Variants in VTI1A observed in about 807,000 individuals in gnomAD.
VTI1A encodes the protein vesicle transport through interaction with t-SNAREs 1A.
Under a neutral mutation model 34.9 loss-of-function variants are expected in VTI1A, and 22 were observed. The observed-to-expected ratio is 0.63, with a 90% CI of 0.45 to 0.90. The LOEUF is 0.90. Among genes scored for constraint, VTI1A ranks in the 40% least tolerant of loss-of-function variants. VTI1A has a pLI of 0.00. For missense variants in VTI1A, 268 were observed against 275.6 expected (o/e 0.97, Z 0.20); for synonymous variants, 87 against 97.3 (o/e 0.89, Z 0.62).
At chr10:112,455,037 GA>G (rs1258679729) in intron 1 of VTI1A, among the ~76,000 whole-genome samples, 1 of 151,928 alleles carries the variant, frequency 6.6e-6, no homozygotes, top group Non-Finnish European at 1.5e-5. Flanking sequence ...TTTGAAAGGG[GA>G]TGTCATTTGG....
chr10:112,543,716 G>A (rs1396588039), intron 5 of VTI1A, among the ~76,000 whole-genome samples: 1 of 152,104 alleles, frequency 6.6e-6, no homozygotes, highest in Non-Finnish European at 1.5e-5. Context: ...GGCTTTTGTT[G>A]CCATTGCTTT....
At chr10:112,780,645 G>T (rs1852097013) in intron 7 of VTI1A, among the ~76,000 whole-genome samples, 2 of 152,060 alleles carry the variant, frequency 1.3e-5, no homozygotes, top group African/African-American at 4.8e-5. Context: ...ACCTTATCGA[G>T]TATGCATTGT....
intron 5 of VTI1A, among the ~76,000 whole-genome samples, chr10:112,602,474 C>G (rs967960972): frequency 6.6e-6 from 1 of 152,204 alleles, no homozygotes; most frequent in Non-Finnish European, 1.5e-5. Context: ...AGCTTTCTTT[C>G]AGACTGATCC....
intron 3 of VTI1A, 21 bp downstream of exon 3, chr10:112,464,678 T>G: frequency 6.3e-7 from 1 of 1,598,150 alleles, no homozygotes; most frequent in Non-Finnish European, 8.5e-7. Flanking sequence ...TTCGACCCTT[T>G]GTCATATTTA....
intron 7 of VTI1A, among the ~76,000 whole-genome samples, chr10:112,713,964 C>T (rs373890269): frequency 3.9e-5 from 6 of 152,232 alleles, no homozygotes; most frequent in South Asian, 2.1e-4. Flanking sequence ...CGGTGCTCCC[C>T]GTGTATTTTG....
intron 3 of VTI1A, among the ~76,000 whole-genome samples, chr10:112,519,119 C>T (rs968186769): frequency 6.6e-6 from 1 of 152,158 alleles, no homozygotes; most frequent in East Asian, 1.9e-4. Flanking sequence ...GAAACTGTCG[C>T]AACATGGGTC....
the VTI1A span, among the ~76,000 whole-genome samples, chr10:112,848,835 G>A: frequency 3.9e-5 from 6 of 152,152 alleles, no homozygotes; most frequent in Non-Finnish European, 1.5e-5. Flanking sequence ...AGGCCCCCAG[G>A]AGGAGGTGAC....
intron 3 of VTI1A, among the ~76,000 whole-genome samples, chr10:112,466,352 T>C (rs1847893019): frequency 6.6e-6 from 1 of 152,212 alleles, no homozygotes; most frequent in Admixed American, 6.5e-5. Flanking sequence ...GAATGGCTAC[T>C]ATCTTGATAA....
intron 5 of VTI1A, among the ~76,000 whole-genome samples, chr10:112,577,673 T>C (rs1050259832): frequency 1.1e-4 from 16 of 152,222 alleles, no homozygotes; most frequent in African/African-American, 3.9e-4. Flanking sequence ...CAGGGTGATA[T>C]GATGAGGCCT....
At chr10:112,845,535 G>T in the VTI1A span, among the ~76,000 whole-genome samples, 1 of 152,166 alleles carries the variant, frequency 6.6e-6, no homozygotes, top group Non-Finnish European at 1.5e-5. Context: ...CCCTCTCCCC[G>T]GGAGGAAAAG....
chr10:112,801,555 T>G (rs907016606), intron 7 of VTI1A, among the ~76,000 whole-genome samples: 1 of 152,184 alleles, frequency 6.6e-6, no homozygotes, highest in African/African-American at 2.4e-5. Context: ...TCCATCTGAT[T>G]TTCTTTCTGT....
At chr10:112,738,907 A>C (rs1481282530) in intron 7 of VTI1A, among the ~76,000 whole-genome samples, 2 of 152,210 alleles carry the variant, frequency 1.3e-5, no homozygotes, top group Non-Finnish European at 2.9e-5. Context: ...GCAGTGACCT[A>C]GCCGCATGAT....
chr10:112,574,321 C>T (rs1394472130), intron 5 of VTI1A, among the ~76,000 whole-genome samples: 1 of 152,152 alleles, frequency 6.6e-6, no homozygotes, highest in African/African-American at 2.4e-5. Flanking sequence ...AGTGATTGTC[C>T]TTTAATGCAA....
intron 7 of VTI1A, among the ~76,000 whole-genome samples, chr10:112,782,037 T>G (rs76807098): frequency 0.02 from 3,082 of 152,328 alleles, 114 homozygotes; most frequent in African/African-American, 0.071. Flanking sequence ...TCCCCTCTTC[T>G]AGATGCTCAT....
At chr10:112,755,430 T>C (rs1387641109) in intron 7 of VTI1A, among the ~76,000 whole-genome samples, 1 of 152,198 alleles carries the variant, frequency 6.6e-6, no homozygotes, top group African/African-American at 2.4e-5. Flanking sequence ...ACTTGATTCC[T>C]GGTGGAGAGT....
intron 2 of VTI1A, among the ~76,000 whole-genome samples, chr10:112,461,254 G>T (rs1035157615): frequency 3.3e-5 from 5 of 152,204 alleles, no homozygotes; most frequent in Non-Finnish European, 5.9e-5. Flanking sequence ...CTTTCTAGCA[G>T]CCTATAAGCA....
At chr10:112,625,178 G>A (rs1477285374) in intron 5 of VTI1A, among the ~76,000 whole-genome samples, 7 of 152,176 alleles carry the variant, frequency 4.6e-5, no homozygotes, top group Admixed American at 2.6e-4. Context: ...TTGTGGCTAC[G>A]CCTATGTTTG....
At chr10:112,550,655 A>G (rs1326780636) in intron 5 of VTI1A, among the ~76,000 whole-genome samples, 1 of 152,178 alleles carries the variant, frequency 6.6e-6, no homozygotes, top group African/African-American at 2.4e-5. Flanking sequence ...TCCTTATCAA[A>G]GAGACTGTCA....
intron 5 of VTI1A, among the ~76,000 whole-genome samples, chr10:112,632,473 G>T (rs1564857755): frequency 6.6e-6 from 1 of 152,120 alleles, no homozygotes; most frequent in South Asian, 2.1e-4. Context: ...CACAACAAAG[G>T]TTTCTTTTTT....
Sources: gnomAD v4.1 joint callset for allele counts (sites outside exome capture counted in the v4.1 genomes callset) on GRCh38, gnomAD v4.1.1 for gene constraint, MANE v1.5 for transcripts, NCBI Gene and HGNC (gene_info 2026-07-23, HGNC 2026-07-21) for gene names.